Variants in RABGAP1L observed in about 807,000 individuals in gnomAD.
RABGAP1L encodes rab GTPase-activating protein 1-like.
RABGAP1L carries 63 observed loss-of-function variants against 137.7 expected under a neutral mutation model. The ratio of observed to expected loss-of-function variants is 0.46; its 90% CI spans 0.37 to 0.56. The LOEUF is 0.56. RABGAP1L is among the 20% of genes least tolerant of loss of function. RABGAP1L has a pLI of 0.00. For missense variants in RABGAP1L, 1,095 were observed against 1,244.0 expected (o/e 0.88, Z 1.80); for synonymous variants, 431 against 433.7 (o/e 0.99, Z 0.08).
intron 10 of RABGAP1L, among the ~76,000 whole-genome samples, chr1:174,281,205 CT>C (rs1261052578): frequency 6.6e-6 from 1 of 152,176 alleles, no homozygotes; most frequent in Non-Finnish European, 1.5e-5. Flanking sequence ...CGGGTTGCTG[CT>C]GCTGGCTTAG....
At chr1:174,659,644 T>C (rs1429524782) in intron 14 of RABGAP1L, among the ~76,000 whole-genome samples, 1 of 152,236 alleles carries the variant, frequency 6.6e-6, no homozygotes, top group Non-Finnish European at 1.5e-5. Flanking sequence ...CATGCATTCA[T>C]TGATAATTTC....
intron 10 of RABGAP1L, among the ~76,000 whole-genome samples, chr1:174,281,834 C>G (rs560145647): frequency 6.6e-6 from 1 of 152,148 alleles, no homozygotes; most frequent in African/African-American, 2.4e-5. Flanking sequence ...ATTAAGATCC[C>G]TCACTCTTAA....
At chr1:174,768,761 A>G (rs1685872521) in intron 18 of RABGAP1L, among the ~76,000 whole-genome samples, 1 of 152,188 alleles carries the variant, frequency 6.6e-6, no homozygotes, top group South Asian at 2.1e-4. Context: ...TTCCTGCTCT[A>G]AAAGTTTTTA....
At chr1:174,849,598 A>G in intron 19 of RABGAP1L, 1 of 360,748 alleles carries the variant, frequency 2.8e-6, no homozygotes, top group Non-Finnish European at 5.4e-6. Flanking sequence ...GGTAATTAAC[A>G]CAATTTAATA....
chr1:174,322,874 T>C (rs948350829), intron 11 of RABGAP1L, among the ~76,000 whole-genome samples: 2 of 152,140 alleles, frequency 1.3e-5, no homozygotes, highest in African/African-American at 4.8e-5. Flanking sequence ...GGGAATGTAA[T>C]TGAGCTGTGT....
At chr1:174,304,759 A>G (rs539058856) in intron 10 of RABGAP1L, among the ~76,000 whole-genome samples, 1 of 152,354 alleles carries the variant, frequency 6.6e-6, no homozygotes, top group African/African-American at 2.4e-5. Flanking sequence ...AAAAATAATT[A>G]GTAGGTTTCA....
In RABGAP1L at chr1:174,638,270, C is replaced by T. The variant is rs183813601; in HGVS notation, c.1824+782C>T. ...TCAGTTCCTGAATAATCCAATTTAGCCTTTGTAATGAGTAGCAAATATTAG... is the reference window on the plus strand; with the variant it reads ...TCAGTTCCTGAATAATCCAATTTAGTCTTTGTAATGAGTAGCAAATATTAG... On this transcript the variant is annotated intron_variant, in intron 14 of 25. Transcript: ENST00000681986. Among the ~76,000 whole-genome samples, 192 of 152,222 alleles carry T rather than the reference C, an allele frequency of 1.3e-3. 1 individual carries two copies. Among genetic ancestry groups the T allele is most frequent in the African/African-American group, 4.5e-3 (185 of 41,524 alleles).
intron 13 of RABGAP1L, among the ~76,000 whole-genome samples, chr1:174,557,170 T>C (rs1282583789): frequency 6.6e-6 from 1 of 152,202 alleles, no homozygotes; most frequent in Non-Finnish European, 1.5e-5. Context: ...TTTTCCTAAG[T>C]GTAGCTTGGA....
At chr1:174,666,978 T>TA (rs1676831126) in intron 14 of RABGAP1L, among the ~76,000 whole-genome samples, 2 of 117,924 alleles carry the variant, frequency 1.7e-5, no homozygotes, top group South Asian at 5.8e-4. Flanking sequence ...GGATAACAGT[T>TA]ACAAGGCAAA....
Position 174,994,941 on chromosome 1 carries a change from T to G in RABGAP1L, c.*4940T>G, listed in dbSNP as rs61354092. 1.4e-4 allele frequency: 21 copies of G among 152,360 alleles called. No individual in the cohort carries two copies. The East Asian group carries it at 4.0e-3, about 29-fold the overall frequency. The allele number at this position is 152,360 out of a possible 1,614,324, so 9.4% of individuals were successfully genotyped here. On this transcript the variant is annotated 3_prime_UTR_variant, in exon 26 of 26. Transcript: ENST00000681986. ...TCTAGAATAAAGGAGTTGATTAGTC[T>G]GAACAGTACTAATTAACTACAAAAT...
chr1:174,405,307 T>A (rs559317003), intron 13 of RABGAP1L, among the ~76,000 whole-genome samples: 5 of 152,304 alleles, frequency 3.3e-5, no homozygotes, highest in African/African-American at 1.2e-4. Flanking sequence ...GGTTTACTTT[T>A]TAAACATTAA....
intron 22 of RABGAP1L, 48 bp from the exon 23 acceptor site, chr1:174,978,759 T>G (rs1023133161): frequency 1.7e-5 from 26 of 1,501,614 alleles, no homozygotes; most frequent in Non-Finnish European, 2.3e-5. Context: ...TTTGTGAAAA[T>G]TTAAGATTTT....
intron 13 of RABGAP1L, among the ~76,000 whole-genome samples, chr1:174,553,923 G>A (rs1452124316): frequency 2.6e-5 from 4 of 152,130 alleles, no homozygotes; most frequent in South Asian, 4.1e-4. Context: ...CGGGGAGGTC[G>A]AATCTGCAGT....
intron 11 of RABGAP1L, among the ~76,000 whole-genome samples, chr1:174,348,966 C>T (rs1682726409): frequency 6.6e-6 from 1 of 151,996 alleles, no homozygotes; most frequent in African/African-American, 2.4e-5. Flanking sequence ...TCTCAATGAG[C>T]TGTTGGGCAC....
chr1:174,689,702 C>T (rs1678738195), intron 15 of RABGAP1L, among the ~76,000 whole-genome samples: 1 of 152,154 alleles, frequency 6.6e-6, no homozygotes, highest in Admixed American at 6.5e-5. Context: ...AACAACACCA[C>T]CAACAACTCC....
At position 174,278,658 on chromosome 1, in the gene RABGAP1L, A is replaced by AG. The variant is rs1224498506; in HGVS notation, c.1204dup (p.Val402GlyfsTer20). 1.9e-6 allele frequency: 3 copies of AG among 1,613,592 alleles called. No homozygotes were observed. In the African/African-American group the frequency reaches 4.0e-5, roughly 22 times the overall value. ...GTGGCAGTGGATATGGTAGTCACAGAGGTGGTGGAGCCTGTTCGCTTTCTC... is the reference window on the plus strand; with the variant it reads ...GTGGCAGTGGATATGGTAGTCACAGAGGGTGGTGGAGCCTGTTCGCTTTCTC... On this transcript the variant is annotated frameshift_variant, in exon 10 of 26. Transcript: ENST00000681986. LOFTEE classifies it high-confidence loss of function.
rs533854858 is a variant in RABGAP1L, at chr1:174,871,696, G to C, written c.2340+59736G>C. Among the ~76,000 whole-genome samples, 27 of 152,290 alleles carry C rather than the reference G, an allele frequency of 1.8e-4. No homozygotes were observed. In the South Asian group the frequency reaches 4.3e-3, roughly 25 times the overall value. ...GATCTTATGAAAAAACGAATATCAT[G>C]TGAAATGATTTCATTTCATTTGATT... is the stretch of plus-strand genomic sequence containing the variant. On this transcript the variant is annotated intron_variant, in intron 19 of 25. Transcript: ENST00000681986.
chr1:174,511,973 A>T (rs1662389903), intron 13 of RABGAP1L, among the ~76,000 whole-genome samples: 1 of 151,854 alleles, frequency 6.6e-6, no homozygotes, highest in African/African-American at 2.4e-5. Context: ...GTTTTAGATG[A>T]TTTTTTCCAA....
intron 12 of RABGAP1L, among the ~76,000 whole-genome samples, chr1:174,380,752 T>C (rs887990294): frequency 9.5e-6 from 1 of 105,626 alleles, no homozygotes; most frequent in Non-Finnish European, 1.9e-5. Flanking sequence ...CCTGGATTCA[T>C]TGATTTTTTG....
Sources: allele counts gnomAD v4.1 joint callset (sites outside exome capture counted in the v4.1 genomes callset), GRCh38; gene constraint gnomAD v4.1.1; transcripts MANE v1.5; gene names NCBI Gene and HGNC (gene_info 2026-07-23, HGNC 2026-07-21).